Variants in KDM4C observed in about 807,000 individuals in gnomAD.
KDM4C encodes lysine demethylase 4C.
KDM4C carries 81 observed loss-of-function variants against 129.3 expected under a neutral mutation model. That is an observed-to-expected ratio of 0.63 (90% CI 0.52 to 0.75). The LOEUF (loss-of-function observed/expected upper bound fraction) is 0.75. Ranked by LOEUF, KDM4C falls within the 30% of genes least tolerant of loss-of-function variation. The pLI is 0.00. For missense variants in KDM4C, 1,457 were observed against 1,304.0 expected, an observed-to-expected ratio of 1.12 and a Z score of -1.81; for synonymous variants, 573 against 456.1, an observed-to-expected ratio of 1.26 and a Z score of -3.26.
intron 17 of KDM4C, among the ~76,000 whole-genome samples, chr9:7,059,766 C>T (rs564085925): frequency 1.0e-3 from 152 of 152,246 alleles, no homozygotes; most frequent in Middle Eastern, 3.4e-3. Flanking sequence ...TTTAAAACAA[C>T]GCCACTCTTC....
chr9:6,762,744 C>T (rs889950051), intron 1 of KDM4C, among the ~76,000 whole-genome samples: 3 of 151,048 alleles, frequency 2.0e-5, no homozygotes, highest in Non-Finnish European at 4.4e-5. Context: ...CTGCAACCTC[C>T]ACCTCCTGGG....
chr9:6,831,388 G>T (rs1448212433), intron 4 of KDM4C, among the ~76,000 whole-genome samples: 2 of 145,918 alleles, frequency 1.4e-5, no homozygotes, highest in African/African-American at 5.2e-5. Flanking sequence ...TTTTTTTTGA[G>T]ACAGAGCCTC....
At chr9:7,056,714 G>A (rs1830921563) in intron 17 of KDM4C, among the ~76,000 whole-genome samples, 2 of 152,176 alleles carry the variant, frequency 1.3e-5, no homozygotes, top group Non-Finnish European at 1.5e-5. Context: ...TATTAGACAG[G>A]TGGGACTTCA....
upstream of KDM4C, among the ~76,000 whole-genome samples, chr9:6,754,361 T>TGC: frequency 6.6e-6 from 1 of 151,838 alleles, no homozygotes; most frequent in East Asian, 1.9e-4. Context: ...TACAGGCACC[T>TGC]GCCACCATGC....
rs1379438783 is a variant in KDM4C at position 7,079,092 on chromosome 9, T to C, written c.2425-24593T>C. Among the ~76,000 whole-genome samples, 3 of 152,354 alleles carry C rather than the reference T, an allele frequency of 2.0e-5. No individual in the cohort carries two copies. The East Asian group carries it at 5.8e-4, about 29-fold the overall frequency. ...TTTTTGGTACAGTGAGCCATTCTTA[T>C]CAATGAATGGTGGCAAGCTTCCTGA... On this transcript the variant is annotated intron_variant, in intron 17 of 21. Transcript: ENST00000381309.
chr9:6,890,833 T>C (rs1361599481), intron 7 of KDM4C, among the ~76,000 whole-genome samples: 1 of 152,154 alleles, frequency 6.6e-6, no homozygotes, highest in African/African-American at 2.4e-5. Context: ...ATTAATTAGA[T>C]TCAGTGAGAC....
chr9:7,090,725 TCTC>T (rs752324540), intron 17 of KDM4C, among the ~76,000 whole-genome samples: 8 of 152,212 alleles, frequency 5.3e-5, no homozygotes, highest in Non-Finnish European at 7.3e-5. Context: ...ATGTGTGGTG[TCTC>T]CTCCTTCCCT....
chr9:7,002,586 C>T (rs1440633927), intron 12 of KDM4C, among the ~76,000 whole-genome samples: 1 of 152,152 alleles, frequency 6.6e-6, no homozygotes, highest in Non-Finnish European at 1.5e-5. Context: ...GCCATGTTGA[C>T]AGCTAAGTTT....
Position 7,104,234 on chromosome 9 carries a change from C to T in KDM4C, c.2610+364C>T, listed in dbSNP as rs115503634. ...CAGGATGAGAGTGAGACCATTTCTG[C>T]GAGGGGATCACCACCTGAGATTATG... On this transcript the variant is annotated intron_variant, in intron 18 of 21. Coordinates refer to ENST00000381309, the MANE Select transcript of KDM4C (RefSeq NM_015061.6). 469 of 195,142 alleles carry T rather than the reference C, an allele frequency of 2.4e-3. 1 individual carries two copies. Among genetic ancestry groups the T allele is most frequent in the African/African-American group, 9.6e-3 (426 of 44,500 alleles). 12.1% of individuals were successfully genotyped at this position (195,142 alleles called of 1,614,324 possible).
chr9:6,946,355 G>C (rs760967893), intron 8 of KDM4C, among the ~76,000 whole-genome samples: 1 of 151,848 alleles, frequency 6.6e-6, no homozygotes, highest in African/African-American at 2.4e-5. Flanking sequence ...TTTACTTTTT[G>C]TTCCTACCTA....
At chr9:6,808,689 A>AT (rs982613147) in intron 3 of KDM4C, among the ~76,000 whole-genome samples, 2 of 145,230 alleles carry the variant, frequency 1.4e-5, no homozygotes, top group African/African-American at 2.6e-5. Context: ...AGAATTATCA[A>AT]TAAAAAAAAA....
chr9:6,838,451 G>A (rs1836277457), intron 4 of KDM4C, among the ~76,000 whole-genome samples: 1 of 152,106 alleles, frequency 6.6e-6, no homozygotes, highest in Admixed American at 6.6e-5. Flanking sequence ...CCTGGAACCA[G>A]GAAACTCCAT....
chr9:7,060,335 C>T (rs1831449254), intron 17 of KDM4C, among the ~76,000 whole-genome samples: 1 of 151,506 alleles, frequency 6.6e-6, no homozygotes, highest in Non-Finnish European at 1.5e-5. Context: ...TAACTGCTTC[C>T]TATGAATTTA....
intron 17 of KDM4C, among the ~76,000 whole-genome samples, chr9:7,101,876 A>G (rs1837136034): frequency 1.3e-5 from 2 of 152,206 alleles, no homozygotes; most frequent in South Asian, 2.1e-4. Context: ...TAGATTCTTG[A>G]AAGATTGAAA....
At chr9:7,155,968 C>G (rs1307242738) in intron 19 of KDM4C, among the ~76,000 whole-genome samples, 1 of 152,202 alleles carries the variant, frequency 6.6e-6, no homozygotes, top group African/African-American at 2.4e-5. Flanking sequence ...AATTTACACT[C>G]CCACCAACAG....
At chr9:6,757,909 C>A, upstream of KDM4C, 1 of 985,418 alleles carries the variant, frequency 1.0e-6, no homozygotes, top group Non-Finnish European at 1.2e-6. Flanking sequence ...GTTTGTAAGC[C>A]CACGTGACTC....
chr9:7,104,203 C>T (rs1299917433), intron 18 of KDM4C: 2 of 235,306 alleles, frequency 8.5e-6, no homozygotes, highest in East Asian at 1.6e-4. Context: ...GTGCACTGCA[C>T]ATATCCAGGA....
chr9:6,807,504 C>G (rs1195558916), intron 3 of KDM4C, among the ~76,000 whole-genome samples: 2 of 145,432 alleles, frequency 1.4e-5, no homozygotes, highest in Non-Finnish European at 3.0e-5. Context: ...CGCCCATCGT[C>G]TGAGATGTGG....
intron 4 of KDM4C, among the ~76,000 whole-genome samples, chr9:6,815,914 T>C (rs1832003925): frequency 6.6e-6 from 1 of 152,234 alleles, no homozygotes; most frequent in African/African-American, 2.4e-5. Flanking sequence ...TCTTTCTGTC[T>C]TTGATGTATG....
Sources: gnomAD v4.1 joint callset for allele counts (sites outside exome capture counted in the v4.1 genomes callset) on GRCh38, gnomAD v4.1.1 for gene constraint, MANE v1.5 for transcripts, NCBI Gene and HGNC (gene_info 2026-07-23, HGNC 2026-07-21) for gene names.